ZFP90: variants seen among roughly 807,000 people sequenced by gnomAD.
ZFP90 encodes the protein zinc finger protein 90 homolog.
ZFP90 carries 38 observed loss-of-function variants against 60.8 expected under a neutral mutation model. That is an observed-to-expected ratio of 0.62 (90% CI 0.48 to 0.82). The LOEUF is 0.82. Ranked by LOEUF, ZFP90 falls within the 40% of genes least tolerant of loss-of-function variation. The pLI is 0.00. For missense variants in ZFP90, 711 were observed against 759.1 expected (o/e 0.94, Z 0.74); for synonymous variants, 287 against 264.8 (o/e 1.08, Z -0.82).
rs551187132 is a variant in ZFP90, at chr16:68,551,062, C to T, written c.34-6936C>T. 1.4e-4 allele frequency among the ~76,000 whole-genome samples: 22 copies of T among 152,318 alleles called. No homozygotes were observed. The South Asian group carries it at 4.6e-3, about 32-fold the overall frequency. ...ATGATCAATCTGGTATCAGAGGCCA[C>T]TTAGTGCTTAAGTGGAGATACCACA... is the stretch of plus-strand genomic sequence containing the variant. On this transcript the variant is annotated intron_variant, in intron 2 of 4. Transcript: ENST00000563169.
At chr16:68,545,536 C>T (rs1354737113) in intron 2 of ZFP90, among the ~76,000 whole-genome samples, 7 of 152,146 alleles carry the variant, frequency 4.6e-5, no homozygotes, top group Non-Finnish European at 8.8e-5. Flanking sequence ...TGTTTCAAGC[C>T]AGGCGCAGTG....
At chr16:68,575,186 G>A (rs986066481) in intron 2 of ZFP90, among the ~76,000 whole-genome samples, 3 of 152,204 alleles carry the variant, frequency 2.0e-5, no homozygotes, top group African/African-American at 7.2e-5. Context: ...CCTGCCACAG[G>A]AGGCACCTCA....
chr16:68,552,475 C>T (rs928264094), intron 2 of ZFP90, among the ~76,000 whole-genome samples: 1 of 152,000 alleles, frequency 6.6e-6, no homozygotes. Flanking sequence ...ACCTGGGGTA[C>T]GAATGGGGCC....
At chr16:68,544,042 T>C (rs1357376923) in intron 2 of ZFP90, among the ~76,000 whole-genome samples, 1 of 152,004 alleles carries the variant, frequency 6.6e-6, no homozygotes, top group East Asian at 1.9e-4. Flanking sequence ...TTACTAGAGA[T>C]GGGGTTTCAC....
intron 2 of ZFP90, among the ~76,000 whole-genome samples, chr16:68,543,983 G>T (rs2091100219): frequency 6.6e-6 from 1 of 151,594 alleles, no homozygotes; most frequent in Admixed American, 6.6e-5. Context: ...CTCCCAAGTA[G>T]CTGGGATTAC....
chr16:68,574,146 A>G (rs961918323), intron 2 of ZFP90: 2 of 141,408 alleles, frequency 1.4e-5, no homozygotes, highest in African/African-American at 2.6e-5. Flanking sequence ...CATGTGACCT[A>G]CTGGACAAAG....
intron 2 of ZFP90, among the ~76,000 whole-genome samples, chr16:68,552,944 TAGG>T (rs1398165184): frequency 6.6e-6 from 1 of 151,972 alleles, no homozygotes; most frequent in Non-Finnish European, 1.5e-5. Flanking sequence ...CCCAGCTGCT[TAGG>T]AGGTTGAAAT....
rs1282295045 is a variant in ZFP90 at position 68,557,537 on chromosome 16, G to A, written c.34-461G>A. On this transcript the variant is annotated intron_variant, in intron 2 of 4. Transcript: ENST00000563169. ...TGTGTTGGGGTGTGAGTATGGTTAA[G>A]TGGGTGGGTGGGGTGTTAATAAACA... Among the ~76,000 whole-genome samples, 3 of 152,144 alleles carry A rather than the reference G, an allele frequency of 2.0e-5. No individual in the cohort carries two copies. The East Asian group carries it at 5.8e-4, about 29-fold the overall frequency.
At chr16:68,569,827 G>A (rs2091558309), downstream of ZFP90, among the ~76,000 whole-genome samples, 1 of 152,058 alleles carries the variant, frequency 6.6e-6, no homozygotes, top group Admixed American at 6.6e-5. Context: ...CCTCTTCTCT[G>A]TGCATCTTAT....
At chr16:68,567,480 C>CA (rs1171376233), downstream of ZFP90, among the ~76,000 whole-genome samples, 2 of 152,270 alleles carry the variant, frequency 1.3e-5, no homozygotes, top group African/African-American at 2.4e-5. Context: ...TTCAGCTAAT[C>CA]AGAGTCCTTT....
intron 2 of ZFP90, among the ~76,000 whole-genome samples, chr16:68,549,197 T>C (rs2091209794): frequency 6.6e-6 from 1 of 152,094 alleles, no homozygotes; most frequent in Non-Finnish European, 1.5e-5. Context: ...ATGACTGAGT[T>C]TAGTGTTTGC....
At chr16:68,549,942 CAA>C (rs1314958192) in intron 2 of ZFP90, among the ~76,000 whole-genome samples, 1 of 151,988 alleles carries the variant, frequency 6.6e-6, no homozygotes, top group African/African-American at 2.4e-5. Flanking sequence ...GTTACTGGGC[CAA>C]AGAGTCCATG....
At chr16:68,558,668 T>TC (rs2091386955) in intron 4 of ZFP90, 100 bp downstream of exon 4, 18 of 1,041,936 alleles carry the variant, frequency 1.7e-5, no homozygotes, top group Non-Finnish European at 2.6e-5. Flanking sequence ...ATCTCCTAGA[T>TC]CTGCATAGGA....
intron 2 of ZFP90, among the ~76,000 whole-genome samples, chr16:68,552,001 C>T (rs890207711): frequency 3.9e-5 from 6 of 152,002 alleles, no homozygotes; most frequent in African/African-American, 9.7e-5. Flanking sequence ...ATCTCGTGAT[C>T]CACCCGCCTT....
At chr16:68,573,817 A>G (rs150922241) in intron 2 of ZFP90, 5 of 152,412 alleles carry the variant, frequency 3.3e-5, no homozygotes, top group Non-Finnish European at 5.9e-5. Context: ...ACGCAGGGAC[A>G]TGTGGCACAG....
downstream of ZFP90, among the ~76,000 whole-genome samples, chr16:68,569,662 G>T (rs1242171268): frequency 6.6e-6 from 1 of 152,114 alleles, no homozygotes; most frequent in Non-Finnish European, 1.5e-5. Context: ...AACACTTTGG[G>T]AGGCTGGGTG....
upstream of ZFP90, among the ~76,000 whole-genome samples, chr16:68,538,292 C>G (rs2090977540): frequency 6.6e-6 from 1 of 152,132 alleles, no homozygotes; most frequent in Non-Finnish European, 1.5e-5. Flanking sequence ...CATTTTCTAC[C>G]ATGTTGGTAT....
exon 3 of ZFP90, chr16:68,576,040 T>A (rs1209691296): frequency 5.1e-5 from 14 of 276,902 alleles, no homozygotes; most frequent in East Asian, 1.1e-4. Context: ...AACATTTATT[T>A]AAAAAAAAAA....
Position 68,563,498 on chromosome 16 carries a change from A to T in ZFP90, c.711A>T (p.Gly237=). The T allele has an allele frequency of 6.2e-7, 1 of 1,614,246 alleles. No homozygotes were observed. Among genetic ancestry groups the T allele is most frequent in the Middle Eastern group, 1.6e-4 (1 of 6,062 alleles). The change falls in exon 5 of 5, where the codon GGA becomes GGT. Residue 237 remains glycine (G), a synonymous_variant. Transcript: ENST00000563169. Reference sequence around the variant, plus strand: ...ATGAGAAAACACATAAAGGAGAGGGAGCTTTCCCTAATGGAACAGATCAAG... The same window carrying T: ...ATGAGAAAACACATAAAGGAGAGGGTGCTTTCCCTAATGGAACAGATCAAG... ...TKHEKTHKGE[G]AFPNGTDQGI... is the part of the protein sequence containing the mutation.
Sources: allele counts gnomAD v4.1 joint callset (sites outside exome capture counted in the v4.1 genomes callset), GRCh38; gene constraint gnomAD v4.1.1; transcripts MANE v1.5; gene names NCBI Gene and HGNC (gene_info 2026-07-23, HGNC 2026-07-21).